The following DDR2 variants were observed in gnomAD, a reference collection of about 807,000 sequenced individuals.
The protein encoded by DDR2 is discoidin domain-containing receptor 2.
In DDR2, 27 loss-of-function variants were observed where a neutral mutation model predicts 94.9. The ratio of observed to expected loss-of-function variants is 0.28; its 90% confidence interval spans 0.21 to 0.39. The LOEUF (loss-of-function observed/expected upper bound fraction) is 0.39, where lower values mean the gene tolerates loss of function less well. DDR2 is among the 10% of genes least tolerant of loss of function. The pLI is 1.00. For synonymous variants in DDR2, 382 were observed against 377.2 expected (o/e 1.01, Z -0.15); for missense variants, 783 against 1,076.0 (o/e 0.73, Z 3.81).
At chr1:162,646,517 A>C (rs1001347325) in intron 1 of DDR2, among the ~76,000 whole-genome samples, 3 of 152,192 alleles carry the variant, frequency 2.0e-5, no homozygotes, top group Non-Finnish European at 2.9e-5. Flanking sequence ...ACACCAAGAA[A>C]AGGTCAATCA....
chr1:162,733,145 A>G (rs1270940340), intron 3 of DDR2, among the ~76,000 whole-genome samples: 1 of 152,238 alleles, frequency 6.6e-6, no homozygotes, highest in Non-Finnish European at 1.5e-5. Context: ...TTCCCTTGCC[A>G]TTCCCAGCTT....
chr1:162,715,204 A>T (rs1179968912), intron 2 of DDR2, among the ~76,000 whole-genome samples: 1 of 152,148 alleles, frequency 6.6e-6, no homozygotes, highest in African/African-American at 2.4e-5. Context: ...CTTATCAGGC[A>T]CTCTGGTAGT....
rs11551334 is a variant in DDR2 at position 162,786,506 on chromosome 1, A to G, written c.*6260A>G. The stretch of plus-strand genomic sequence containing the variant: ...ACCAATTGTATATTTTCTTTTCTTT[A>G]TTTATTCTCTGTAAGTCTGTCAGAT... On this transcript the variant is annotated 3_prime_UTR_variant, in exon 18 of 18. Coordinates refer to ENST00000367921, the MANE Select transcript of DDR2 (RefSeq NM_006182.4). 1 of 152,366 alleles carries G rather than the reference A, an allele frequency of 6.6e-6. No individual in the cohort carries two copies. The highest frequency in any genetic ancestry group is 6.5e-5 in the Admixed American group (1 of 15,304). The allele number at this position is 152,366 out of a possible 1,614,324, so 9.4% of individuals were successfully genotyped here. A position where few individuals can be genotyped will look rare whatever the true frequency, so the allele number is the denominator to read the frequency against.
chr1:162,678,807 T>C (rs1349368477), intron 2 of DDR2, among the ~76,000 whole-genome samples: 2 of 152,190 alleles, frequency 1.3e-5, no homozygotes, highest in Non-Finnish European at 1.5e-5. Flanking sequence ...GCCCAGCCAC[T>C]GAACTCCAGG....
chr1:162,658,663 A>G (rs1441373801), intron 2 of DDR2, among the ~76,000 whole-genome samples: 1 of 96,678 alleles, frequency 1.0e-5, no homozygotes, highest in African/African-American at 4.3e-5. Context: ...TTGTCTGTAC[A>G]AAAAAAAAAA....
intron 1 of DDR2, among the ~76,000 whole-genome samples, chr1:162,642,448 G>GTT (rs10601565): frequency 8.7e-5 from 12 of 137,276 alleles, no homozygotes; most frequent in South Asian, 4.6e-4. Context: ...AATTTTCTGT[G>GTT]TTTTTTTTTT....
At position 162,761,455 on chromosome 1, in the gene DDR2, G is replaced by A. The variant is rs1663740923; in HGVS notation, c.1099+1G>A. On this transcript the variant is annotated splice_donor_variant, in intron 9 of 17. Transcript: ENST00000367921. LOFTEE classifies it high-confidence loss of function. ...TTCAGTGAGATCACCTTCCAATCAGGTAGGGAGCTCAGGTCCTCTTTGGGA... is the reference window on the plus strand; with the variant it reads ...TTCAGTGAGATCACCTTCCAATCAGATAGGGAGCTCAGGTCCTCTTTGGGA... The A allele has an allele frequency of 1.2e-6, 2 of 1,614,188 alleles. No individual in the cohort carries two copies. Among genetic ancestry groups the A allele is most frequent in the Non-Finnish European group, 1.7e-6 (2 of 1,180,016 alleles).
At chr1:162,700,814 G>A (rs1429717745) in intron 2 of DDR2, among the ~76,000 whole-genome samples, 2 of 152,166 alleles carry the variant, frequency 1.3e-5, no homozygotes, top group Non-Finnish European at 2.9e-5. Context: ...AGGGCTCTAC[G>A]AGAATGGCAT....
chr1:162,674,449 C>T lies in DDR2; in HGVS notation c.-28+19075C>T, dbSNP rs141161853. Among the ~76,000 whole-genome samples the T allele has an allele frequency of 5.9e-5, 9 of 152,304 alleles. 1 individual carries two copies. Among genetic ancestry groups the T allele is most frequent in the Admixed American group, 3.9e-4 (6 of 15,294 alleles). ...GATATATTTGGTACTCAGTAATATACACTGAAGAATGAATGAGTGAGTTAA... is the reference window on the plus strand; with the variant it reads ...GATATATTTGGTACTCAGTAATATATACTGAAGAATGAATGAGTGAGTTAA... On this transcript the variant is annotated intron_variant, in intron 2 of 17. Transcript: ENST00000367921.
intron 2 of DDR2, among the ~76,000 whole-genome samples, chr1:162,712,561 A>C (rs1205149176): frequency 6.6e-6 from 1 of 151,832 alleles, no homozygotes; most frequent in East Asian, 1.9e-4. Context: ...TCCAGATCCC[A>C]GTGGGGGCAG....
intron 3 of DDR2, among the ~76,000 whole-genome samples, chr1:162,743,870 G>A (rs1163641496): frequency 6.6e-6 from 1 of 152,086 alleles, no homozygotes; most frequent in African/African-American, 2.4e-5. Context: ...TCCTCTGGCC[G>A]CTCCTCCTTC....
chr1:162,659,581 G>T (rs529769630), intron 2 of DDR2, among the ~76,000 whole-genome samples: 1 of 152,266 alleles, frequency 6.6e-6, no homozygotes, highest in East Asian at 1.9e-4. Flanking sequence ...TGTTGGCTGG[G>T]CTAAGACATC....
At chr1:162,726,920 C>T (rs973310679) in intron 3 of DDR2, among the ~76,000 whole-genome samples, 2 of 151,210 alleles carry the variant, frequency 1.3e-5, no homozygotes, top group African/African-American at 4.9e-5. Context: ...ACTCTAGGGG[C>T]TTCAAGCCCA....
At chr1:162,775,508 C>A in intron 14 of DDR2, 144 bp from the exon 15 acceptor site, 1 of 793,122 alleles carries the variant, frequency 1.3e-6, no homozygotes, top group Non-Finnish European at 2.1e-6. Flanking sequence ...ATCCAGGTGT[C>A]AATTTCTCTG....
chr1:162,643,968 A>C (rs370327326), intron 1 of DDR2, among the ~76,000 whole-genome samples: 1 of 152,328 alleles, frequency 6.6e-6, no homozygotes, highest in South Asian at 2.1e-4. Flanking sequence ...TGTTACCCGC[A>C]GACTGTACAT....
At chr1:162,763,336 C>CTTTTTTTTT (rs56323242) in intron 9 of DDR2, among the ~76,000 whole-genome samples, 5 of 56,502 alleles carry the variant, frequency 8.8e-5, no homozygotes, top group African/African-American at 2.2e-4. Context: ...CCACGCCCGG[C>CTTTTTTTTT]TTTTTTTTTT....
At position 162,695,650 on chromosome 1, in the gene DDR2, G is replaced by A. The variant is rs1336953400; in HGVS notation, c.-27-23387G>A. ...AGCAGGGACTTAAAATGGGGATGTG[G>A]AGCACTGTGCCAATGTCTTTCAAAT... On this transcript the variant is annotated intron_variant, in intron 2 of 17. Coordinates refer to ENST00000367921, the MANE Select transcript of DDR2 (RefSeq NM_006182.4). Among the ~76,000 whole-genome samples the A allele has an allele frequency of 2.2e-4, 33 of 152,150 alleles. 1 individual carries two copies. Among genetic ancestry groups the A allele is most frequent in the Admixed American group, 2.2e-3 (33 of 15,276 alleles).
intron 2 of DDR2, among the ~76,000 whole-genome samples, chr1:162,697,929 TTGG>T (rs1467164159): frequency 6.6e-6 from 1 of 152,172 alleles, no homozygotes; most frequent in African/African-American, 2.4e-5. Context: ...GTTAGGGTTG[TTGG>T]TGGAGTGATA....
intron 2 of DDR2, among the ~76,000 whole-genome samples, chr1:162,663,784 C>T (rs1338870059): frequency 6.6e-6 from 1 of 152,100 alleles, no homozygotes; most frequent in Non-Finnish European, 1.5e-5. Flanking sequence ...TGTCTAGCCT[C>T]ATGTGGCTTC....
Sources: gnomAD v4.1 joint callset for allele counts (sites outside exome capture counted in the v4.1 genomes callset) on GRCh38, gnomAD v4.1.1 for gene constraint, MANE v1.5 for transcripts, NCBI Gene and HGNC (gene_info 2026-07-23, HGNC 2026-07-21) for gene names.